CCDC85A: variants seen among roughly 807,000 people sequenced by gnomAD.
CCDC85A encodes the protein coiled-coil domain-containing protein 85A.
A neutral mutation model predicts 50.2 loss-of-function variants in CCDC85A; 38 were observed. The observed-to-expected ratio is 0.76, with a 90% CI of 0.58 to 0.99. CCDC85A has a LOEUF of 0.99. Among genes scored for constraint, CCDC85A ranks in the 50% least tolerant of loss-of-function variants. The probability of loss-of-function intolerance (pLI) is 0.00; values close to 1 mark genes in which losing one functional copy is unlikely to be tolerated. For missense variants in CCDC85A, 820 were observed against 742.0 expected (o/e 1.11, Z -1.22); for synonymous variants, 366 against 301.4 (o/e 1.21, Z -2.22).
chr2:56,256,341 A>G (rs1028095208), intron 2 of CCDC85A, among the ~76,000 whole-genome samples: 1 of 152,214 alleles, frequency 6.6e-6, no homozygotes, highest in Non-Finnish European at 1.5e-5. Context: ...ATGGTGTATG[A>G]GAATTAATTA....
intron 2 of CCDC85A, among the ~76,000 whole-genome samples, chr2:56,329,386 T>A (rs1451117723): frequency 6.6e-6 from 1 of 152,190 alleles, no homozygotes; most frequent in Non-Finnish European, 1.5e-5. Context: ...AGGAGTCTTG[T>A]TTGCTTATTT....
intron 2 of CCDC85A, among the ~76,000 whole-genome samples, chr2:56,339,143 C>T (rs1008155073): frequency 1.3e-5 from 2 of 152,136 alleles, no homozygotes; most frequent in African/African-American, 4.8e-5. Flanking sequence ...TTCATCCTAA[C>T]CCTAGAACAG....
chr2:56,374,032 G>A (rs1196646358), intron 4 of CCDC85A, among the ~76,000 whole-genome samples: 2 of 152,110 alleles, frequency 1.3e-5, no homozygotes, highest in African/African-American at 4.8e-5. Context: ...AGGCATTATT[G>A]TTTCTGATTT....
chr2:56,307,172 AAC>A (rs1672482623), intron 2 of CCDC85A, among the ~76,000 whole-genome samples: 1 of 152,164 alleles, frequency 6.6e-6, no homozygotes, highest in East Asian at 1.9e-4. Context: ...CTTATAAATA[AAC>A]TGCTTTCAAA....
intron 2 of CCDC85A, among the ~76,000 whole-genome samples, chr2:56,299,839 A>G (rs1672120860): frequency 6.6e-6 from 1 of 152,252 alleles, no homozygotes; most frequent in South Asian, 2.1e-4. Flanking sequence ...CTTCCCCTCC[A>G]TTCATTTCTT....
intron 2 of CCDC85A, among the ~76,000 whole-genome samples, chr2:56,205,291 G>C (rs1676915768): frequency 6.6e-6 from 1 of 152,038 alleles, no homozygotes; most frequent in African/African-American, 2.4e-5. Flanking sequence ...CATTTAAATG[G>C]GTTTTGATGA....
Position 56,372,479 on chromosome 2 carries a change from G to T in CCDC85A, c.1452+1G>T. 6.3e-7 allele frequency: 1 copy of T among 1,594,270 alleles called. No homozygotes were observed. The highest frequency in any genetic ancestry group is 8.6e-7 in the Non-Finnish European group (1 of 1,168,976). ...AGGACGATGCCTGCCTACTCTCCCG[G>T]TGAGTGAAGATGAGTCAGCTGGATG... On this transcript the variant is annotated splice_donor_variant, in intron 4 of 5. Transcript: ENST00000407595. LOFTEE classifies it high-confidence loss of function.
At chr2:56,300,629 G>A (rs894689242) in intron 2 of CCDC85A, among the ~76,000 whole-genome samples, 8 of 152,190 alleles carry the variant, frequency 5.3e-5, no homozygotes, top group African/African-American at 1.9e-4. Flanking sequence ...TGACTTTCAA[G>A]AAGGGAATAC....
chr2:56,256,208 T>C (rs545884234), intron 2 of CCDC85A, among the ~76,000 whole-genome samples: 54 of 152,336 alleles, frequency 3.5e-4, no homozygotes, highest in African/African-American at 1.3e-3. Context: ...AAAACAATAG[T>C]AAATGTTGCA....
At position 56,193,312 on chromosome 2, in the gene CCDC85A, A is replaced by T; in HGVS notation, c.1112A>T (p.Asp371Val). ...AAACAACATTATGGAGGGAGCCCTG[A>T]TCACAAACACGGAGGAGGCAGTGGA... ...HLKQHYGGSP[D>V]HKHGGGSGGS... Residue 371 changes from aspartate to valine, a missense_variant, in exon 2 of 6, where the codon GAT (aspartate) becomes GTT (valine). Physicochemically the swap from Asp to Val is radical, Grantham distance 152 (BLOSUM62 -3). Coordinates refer to ENST00000407595, the MANE Select transcript of CCDC85A (RefSeq NM_001080433.2). The T allele has an allele frequency of 1.2e-6, 2 of 1,613,616 alleles. No individual in the cohort carries two copies. Among genetic ancestry groups the T allele is most frequent in the Admixed American group, 1.7e-5 (1 of 59,934 alleles).
At chr2:56,228,686 C>T (rs891557813) in intron 2 of CCDC85A, among the ~76,000 whole-genome samples, 3 of 152,052 alleles carry the variant, frequency 2.0e-5, no homozygotes, top group African/African-American at 7.2e-5. Flanking sequence ...GGGCCCACCC[C>T]CATGCCTGGC....
intron 2 of CCDC85A, among the ~76,000 whole-genome samples, chr2:56,321,318 G>T (rs1341889885): frequency 6.6e-6 from 1 of 152,246 alleles, no homozygotes; most frequent in Non-Finnish European, 1.5e-5. Context: ...AGGTAATAAA[G>T]GGTATTCAGT....
intron 2 of CCDC85A, among the ~76,000 whole-genome samples, chr2:56,274,368 T>C (rs1573149650): frequency 6.6e-6 from 1 of 152,288 alleles, no homozygotes; most frequent in Middle Eastern, 3.4e-3. Flanking sequence ...AAGTTTGAAA[T>C]TTTTAGGGCT....
chr2:56,236,934 A>G (rs1209150673), intron 2 of CCDC85A, among the ~76,000 whole-genome samples: 2 of 152,166 alleles, frequency 1.3e-5, no homozygotes, highest in Non-Finnish European at 2.9e-5. Flanking sequence ...CCTTCCCTGT[A>G]AGAATGATGA....
intron 3 of CCDC85A, among the ~76,000 whole-genome samples, chr2:56,353,392 G>C (rs1170205794): frequency 6.6e-6 from 1 of 152,162 alleles, no homozygotes; most frequent in Non-Finnish European, 1.5e-5. Context: ...AATAAAATGA[G>C]TGTGATAAAG....
At chr2:56,242,127 T>A (rs1263303301) in intron 2 of CCDC85A, among the ~76,000 whole-genome samples, 1 of 152,200 alleles carries the variant, frequency 6.6e-6, no homozygotes, top group Non-Finnish European at 1.5e-5. Context: ...TTGTATGTTT[T>A]CTTTTGTGAA....
intron 2 of CCDC85A, among the ~76,000 whole-genome samples, chr2:56,314,541 T>C (rs761260963): frequency 6.6e-6 from 1 of 152,270 alleles, no homozygotes; most frequent in South Asian, 2.1e-4. Context: ...AGATTTATAA[T>C]GCTCATTATT....
chr2:56,320,421 GA>G (rs1290084294), intron 2 of CCDC85A, among the ~76,000 whole-genome samples: 1 of 151,636 alleles, frequency 6.6e-6, no homozygotes, highest in Non-Finnish European at 1.5e-5. Flanking sequence ...AAAGAGAGAA[GA>G]ATCAAATAGA....
intron 2 of CCDC85A, among the ~76,000 whole-genome samples, chr2:56,233,608 C>T (rs1474378998): frequency 6.6e-6 from 1 of 151,940 alleles, no homozygotes; most frequent in South Asian, 2.1e-4. Context: ...TCATAAAATA[C>T]TAAAAAAAAA....
Sources: allele counts gnomAD v4.1 joint callset (sites outside exome capture counted in the v4.1 genomes callset), GRCh38; gene constraint gnomAD v4.1.1; transcripts MANE v1.5; gene names NCBI Gene and HGNC (gene_info 2026-07-23, HGNC 2026-07-21).